Variants in ASH1L observed in about 807,000 individuals in gnomAD.
ASH1L encodes ASH1 like histone lysine methyltransferase.
In ASH1L, 23 loss-of-function variants were observed where a neutral mutation model predicts 269.0. That is an observed-to-expected ratio of 0.09 (90% CI 0.06 to 0.12). The LOEUF is 0.12. Ranked by LOEUF, ASH1L falls within the 10% of genes least tolerant of loss-of-function variation. The pLI is 1.00. For missense variants in ASH1L, 2,912 were observed against 3,567.8 expected, an observed-to-expected ratio of 0.82 and a Z score of 4.68; for synonymous variants, 1,187 against 1,253.5, an observed-to-expected ratio of 0.95 and a Z score of 1.12.
chr1:155,380,679 A>G (rs538185618), intron 7 of ASH1L, among the ~76,000 whole-genome samples: 5 of 151,626 alleles, frequency 3.3e-5, no homozygotes, highest in African/African-American at 1.2e-4. Context: ...TGCCCAGGCT[A>G]GAGTGCAATG....
chr1:155,470,185 G>A lies in ASH1L; in HGVS notation c.4984+7701C>T, dbSNP rs578255735. Among the ~76,000 whole-genome samples the A allele has an allele frequency of 1.3e-4, 20 of 152,204 alleles. No individual in the cohort carries two copies. The South Asian group carries it at 1.7e-3, about 13-fold the overall frequency. Reference sequence around the variant, plus strand: ...AATATTAAGAACCGTCAGGCTGTGCGCGGTGGCTCACACCTGTAATCCCAG... The same window carrying A: ...AATATTAAGAACCGTCAGGCTGTGCACGGTGGCTCACACCTGTAATCCCAG... On this transcript the variant is annotated intron_variant, in intron 3 of 27. Transcript: ENST00000392403.
intron 1 of ASH1L, among the ~76,000 whole-genome samples, chr1:155,544,311 T>C (rs1670645816): frequency 6.6e-6 from 1 of 150,996 alleles, no homozygotes; most frequent in Non-Finnish European, 1.5e-5. Context: ...TTTTGAGATA[T>C]AGTCTCACTC....
chr1:155,465,847 A>G (rs1664647473), intron 3 of ASH1L, among the ~76,000 whole-genome samples: 1 of 152,200 alleles, frequency 6.6e-6, no homozygotes, highest in African/African-American at 2.4e-5. Flanking sequence ...CCCAGATTCA[A>G]GTTCTGAATC....
chr1:155,452,404 A>G (rs1216784543), intron 4 of ASH1L, among the ~76,000 whole-genome samples: 1 of 152,178 alleles, frequency 6.6e-6, no homozygotes, highest in African/African-American at 2.4e-5. Flanking sequence ...CACAATTAAA[A>G]TGTTTTTAAA....
At chr1:155,349,247 G>C in intron 19 of ASH1L, 80 bp downstream of exon 19, 1 of 1,485,306 alleles carries the variant, frequency 6.7e-7, no homozygotes. Flanking sequence ...GCTGATAGAG[G>C]AGGGTAAAAA....
At position 155,467,521 on chromosome 1, in the gene ASH1L, G is replaced by A. The variant is rs115288808; in HGVS notation, c.4985-7623C>T. 1.2e-3 allele frequency among the ~76,000 whole-genome samples: 179 copies of A among 152,200 alleles called. 1 individual carries two copies. The highest frequency in any genetic ancestry group is 4.1e-3 in the African/African-American group (170 of 41,528). Reference sequence around the variant, plus strand: ...TGATTATAGCTGTTATTCCTTTTAAGTCTTCATAAGATTTAATTTTACAGT... The same window carrying A: ...TGATTATAGCTGTTATTCCTTTTAAATCTTCATAAGATTTAATTTTACAGT... On this transcript the variant is annotated intron_variant, in intron 3 of 27. Transcript: ENST00000392403.
At chr1:155,477,510 C>G (rs1665647936) in intron 3 of ASH1L, among the ~76,000 whole-genome samples, 1 of 136,544 alleles carries the variant, frequency 7.3e-6, no homozygotes, top group Admixed American at 7.4e-5. Context: ...TACCTTTTAC[C>G]TCTTGGGGTG....
intron 2 of ASH1L, among the ~76,000 whole-genome samples, chr1:155,506,547 A>C (rs1667826184): frequency 6.6e-6 from 1 of 151,666 alleles, no homozygotes; most frequent in African/African-American, 2.4e-5. Flanking sequence ...AAATACAAAA[A>C]TTAGCCAGGC....
In ASH1L at chr1:155,359,637, G is replaced by A. The variant is rs145440264; in HGVS notation, c.6795+664C>T. 2.8e-4 allele frequency among the ~76,000 whole-genome samples: 43 copies of A among 151,420 alleles called. No homozygotes were observed. In the East Asian group the frequency reaches 7.4e-3, roughly 26 times the overall value. ...GTTCCACAGGCTGCAGTGCATTGGC[G>A]TGGTCCTGGCTCACTGCAACCTCCA... On this transcript the variant is annotated intron_variant, in intron 13 of 27. Coordinates refer to ENST00000392403, the MANE Select transcript of ASH1L (RefSeq NM_018489.3).
chr1:155,530,936 G>A (rs1669632144), intron 1 of ASH1L, among the ~76,000 whole-genome samples: 1 of 151,886 alleles, frequency 6.6e-6, no homozygotes, highest in South Asian at 2.1e-4. Context: ...TGTAGTCCTA[G>A]CTACTCCAGA....
intron 4 of ASH1L, among the ~76,000 whole-genome samples, chr1:155,442,605 C>CAAAAA (rs35346996): frequency 7.6e-6 from 1 of 132,130 alleles, no homozygotes; most frequent in Admixed American, 7.7e-5. Flanking sequence ...AAAAAAAAAT[C>CAAAAA]AAAAAAAAAA....
At chr1:155,517,623 A>G (rs1473617330) in intron 2 of ASH1L, among the ~76,000 whole-genome samples, 1 of 146,048 alleles carries the variant, frequency 6.8e-6, no homozygotes, top group Admixed American at 7.2e-5. Flanking sequence ...AGCCTAGGCG[A>G]CAGAGTAAGA....
At chr1:155,513,189 C>A (rs577677397) in intron 2 of ASH1L, among the ~76,000 whole-genome samples, 1 of 152,214 alleles carries the variant, frequency 6.6e-6, no homozygotes, top group East Asian at 1.9e-4. Flanking sequence ...AACCAGAATA[C>A]TTGTGAGTTC....
chr1:155,420,772 C>T (rs1247394008), intron 5 of ASH1L, among the ~76,000 whole-genome samples: 1 of 151,604 alleles, frequency 6.6e-6, no homozygotes, highest in Non-Finnish European at 1.5e-5. Flanking sequence ...ATCACTTGAG[C>T]CCGGGAGGTG....
At position 155,530,889 on chromosome 1, in the gene ASH1L, G is replaced by C. The variant is rs982946862; in HGVS notation, c.-99-9271C>G. ...ATCACAGCACTGTACTCTAGCCCGG[G>C]CAATCAAACAATAAGCTGGGTATGG... On this transcript the variant is annotated intron_variant, in intron 1 of 27. Transcript: ENST00000392403. Among the ~76,000 whole-genome samples, 4 of 152,268 alleles carry C rather than the reference G, an allele frequency of 2.6e-5. No individual in the cohort carries two copies. The South Asian group carries it at 8.3e-4, about 32-fold the overall frequency.
At chr1:155,341,590 A>G in intron 25 of ASH1L, among the ~76,000 whole-genome samples, 1 of 152,200 alleles carries the variant, frequency 6.6e-6, no homozygotes, top group East Asian at 1.9e-4. Context: ...TCAATGAGAG[A>G]GAGGAAAAAA....
At chr1:155,471,042 C>T (rs1242148022) in intron 3 of ASH1L, among the ~76,000 whole-genome samples, 1 of 152,144 alleles carries the variant, frequency 6.6e-6, no homozygotes, top group Admixed American at 6.6e-5. Flanking sequence ...AACTTTTCCT[C>T]GACTGGTTTT....
intron 19 of ASH1L, among the ~76,000 whole-genome samples, chr1:155,349,039 ATATC>A (rs1653639315): frequency 6.6e-6 from 1 of 152,046 alleles, no homozygotes. Flanking sequence ...ATGTATTAAA[ATATC>A]TATATAACGC....
chr1:155,496,441 A>T (rs1300786720), intron 2 of ASH1L, among the ~76,000 whole-genome samples: 2 of 152,260 alleles, frequency 1.3e-5, no homozygotes, highest in African/African-American at 4.8e-5. Context: ...TAAAAAGAAA[A>T]AAGACATGCA....
Sources: allele counts gnomAD v4.1 joint callset (sites outside exome capture counted in the v4.1 genomes callset), GRCh38; gene constraint gnomAD v4.1.1; transcripts MANE v1.5; gene names NCBI Gene and HGNC (gene_info 2026-07-23, HGNC 2026-07-21).